Variants in CFAP251 observed in about 807,000 individuals in gnomAD.
CFAP251 encodes cilia- and flagella-associated protein 251.
CFAP251 carries 93 observed loss-of-function variants against 126.7 expected under a neutral mutation model. That is an observed-to-expected ratio of 0.73 (90% confidence interval 0.62 to 0.87). The LOEUF is 0.87. Ranked by LOEUF, CFAP251 falls within the 40% of genes least tolerant of loss-of-function variation. The pLI is 0.00. For missense variants in CFAP251, 1,287 were observed against 1,389.2 expected, an observed-to-expected ratio of 0.93 and a Z score of 1.17; for synonymous variants, 503 against 506.9, an observed-to-expected ratio of 0.99 and a Z score of 0.10.
intron 19 of CFAP251, 151 bp downstream of exon 19, chr12:121,975,836 C>A: frequency 1.3e-6 from 1 of 771,292 alleles, no homozygotes; most frequent in Non-Finnish European, 2.0e-6. Flanking sequence ...AGATGCACTC[C>A]TGAGTAACTG....
intron 3 of CFAP251, among the ~76,000 whole-genome samples, chr12:121,930,998 C>T (rs1029247409): frequency 3.3e-5 from 5 of 152,202 alleles, no homozygotes; most frequent in Admixed American, 2.6e-4. Flanking sequence ...ATCCACCCAC[C>T]TCAGCCTCCC....
At chr12:121,982,200 T>C (rs960805829) in intron 19 of CFAP251, among the ~76,000 whole-genome samples, 1 of 152,096 alleles carries the variant, frequency 6.6e-6, no homozygotes, top group African/African-American at 2.4e-5. Context: ...GTCTTCTCAC[T>C]TGTTCAGGAT....
chr12:121,999,321 T>C (rs1298780684), intron 19 of CFAP251: 3 of 154,458 alleles, frequency 1.9e-5, no homozygotes, highest in Non-Finnish European at 4.3e-5. Flanking sequence ...CTAAAATAAT[T>C]GGAAAGTATT....
chr12:121,961,704 C>T (rs1881945679), intron 14 of CFAP251, among the ~76,000 whole-genome samples: 1 of 152,254 alleles, frequency 6.6e-6, no homozygotes, highest in African/African-American at 2.4e-5. Flanking sequence ...ATGGGCAGAA[C>T]AGTACCCCTT....
chr12:121,971,762 G>A (rs1592995855), intron 17 of CFAP251: 1 of 604,722 alleles, frequency 1.7e-6, no homozygotes, highest in Middle Eastern at 2.9e-4. Context: ...TTGTGATATG[G>A]TTTGGCTCTG....
At chr12:121,957,836 T>C (rs1881783372) in intron 11 of CFAP251, among the ~76,000 whole-genome samples, 1 of 152,204 alleles carries the variant, frequency 6.6e-6, no homozygotes, top group African/African-American at 2.4e-5. Context: ...CAGGTTGGTC[T>C]CTTTTCTCTA....
At chr12:121,972,744 T>C (rs1172207690) in intron 17 of CFAP251, among the ~76,000 whole-genome samples, 3 of 152,156 alleles carry the variant, frequency 2.0e-5, no homozygotes, top group Non-Finnish European at 4.4e-5. Flanking sequence ...TGCCTCGGCC[T>C]CCCAAAGTGC....
At chr12:121,919,383 G>A (rs1203871267) in intron 1 of CFAP251, among the ~76,000 whole-genome samples, 6 of 152,028 alleles carry the variant, frequency 3.9e-5, no homozygotes, top group Admixed American at 3.9e-4. Context: ...TTGTTGTAAG[G>A]AATAAATGGA....
At chr12:121,975,746 G>A in intron 19 of CFAP251, 61 bp downstream of exon 19, 7 of 1,506,050 alleles carry the variant, frequency 4.6e-6, no homozygotes, top group Non-Finnish European at 6.2e-6. Flanking sequence ...ACAACCTCTG[G>A]GAACAATCAT....
chr12:121,956,894 T>C (rs768206473), intron 10 of CFAP251, among the ~76,000 whole-genome samples, 180 bp from the exon 11 acceptor site: 48 of 152,256 alleles, frequency 3.2e-4, no homozygotes, highest in Non-Finnish European at 5.6e-4. Context: ...ATTTCTTAAC[T>C]CTCTGAAAGT....
At position 121,974,126 on chromosome 12, in the gene CFAP251, A is replaced by G. The variant is rs1180960668; in HGVS notation, c.2772-1118A>G. On this transcript the variant is annotated intron_variant, in intron 17 of 21. Transcript: ENST00000288912. The surrounding 1 kb of genome is among the most constrained non-coding windows in gnomAD (Gnocchi z 4.6). ...GGGCAGTTTCCCCCATGCTGTTCCCATGGTAGTGAATAAGTCTCATGAGAT... is the reference window on the plus strand; with the variant it reads ...GGGCAGTTTCCCCCATGCTGTTCCCGTGGTAGTGAATAAGTCTCATGAGAT... Among the ~76,000 whole-genome samples, 1 of 152,110 alleles carries G rather than the reference A, an allele frequency of 6.6e-6. No individual in the cohort carries two copies. Among genetic ancestry groups the G allele is most frequent in the African/African-American group, 2.4e-5 (1 of 41,414 alleles).
intron 5 of CFAP251, among the ~76,000 whole-genome samples, chr12:121,938,115 C>A (rs1246184483): frequency 1.3e-5 from 2 of 151,988 alleles, no homozygotes; most frequent in Non-Finnish European, 2.9e-5. Context: ...AGTGATCCTC[C>A]CACCTCAGCT....
At position 121,958,857 on chromosome 12, in the gene CFAP251, C is replaced by T. The variant is rs142148736; in HGVS notation, c.1982-86C>T. On this transcript the variant is annotated intron_variant, in intron 12 of 21. Transcript: ENST00000288912. ...TTGTTGTGTTAGTTGCTGTCTTCTC[C>T]GCACCCAGAACAAAGCCTGGCACAG... is the stretch of plus-strand genomic sequence containing the variant. 1,176 of 1,459,184 alleles carry T rather than the reference C, an allele frequency of 8.1e-4. 7 individuals carry two copies. In the African/African-American group the frequency reaches 0.014, roughly 18 times the overall value. 90.4% of individuals were successfully genotyped at this position (1,459,184 alleles called of 1,614,324 possible). A position where few individuals can be genotyped will look rare whatever the true frequency, so the allele number is the denominator to read the frequency against.
chr12:121,954,651 A>C (rs1331793629), intron 10 of CFAP251, among the ~76,000 whole-genome samples: 3 of 148,420 alleles, frequency 2.0e-5, no homozygotes, highest in South Asian at 2.1e-4. Context: ...AAAAAAAAAA[A>C]AAAAAAAAAA....
rs1882823017 is a variant in CFAP251 at position 121,989,398 on chromosome 12, G to T, written c.3007-10318G>T. Among the ~76,000 whole-genome samples, 1 of 152,234 alleles carries T rather than the reference G, an allele frequency of 6.6e-6. No homozygotes were observed. Among genetic ancestry groups the T allele is most frequent in the African/African-American group, 2.4e-5 (1 of 41,464 alleles). On this transcript the variant is annotated intron_variant, in intron 19 of 21. Transcript: ENST00000288912. The surrounding 1 kb of genome is among the most constrained non-coding windows in gnomAD (Gnocchi z 4.2). The stretch of plus-strand genomic sequence containing the variant: ...GACTGCGTCCAGAGGGCAGAACTGT[G>T]CATGCATGCCCCACTCCTGGAAAAA...
intron 3 of CFAP251, among the ~76,000 whole-genome samples, chr12:121,931,273 CTTTAAATTTTTT>C (rs1302540339): frequency 6.6e-6 from 1 of 150,868 alleles, no homozygotes; most frequent in Non-Finnish European, 1.5e-5. Context: ...AAAATTCACC[CTTTAAATTTTTT>C]TTTAAATTGT....
intron 10 of CFAP251, among the ~76,000 whole-genome samples, chr12:121,954,844 T>A (rs1489022247): frequency 1.3e-5 from 2 of 151,982 alleles, no homozygotes; most frequent in Non-Finnish European, 2.9e-5. Flanking sequence ...TTTAAAAAAA[T>A]CATGAGTATG....
At chr12:121,962,686 T>C (rs1592988777) in intron 15 of CFAP251, among the ~76,000 whole-genome samples, 1 of 128,904 alleles carries the variant, frequency 7.8e-6, no homozygotes, top group South Asian at 2.7e-4. Context: ...GGTAATCAGG[T>C]CTGTGCAAAG....
intron 15 of CFAP251, among the ~76,000 whole-genome samples, chr12:121,966,658 T>C (rs1452647008): frequency 4.8e-5 from 7 of 147,186 alleles, no homozygotes; most frequent in Non-Finnish European, 1.0e-4. Flanking sequence ...TAATCTCAGC[T>C]CACTGCAGCC....
Sources: gnomAD v4.1 joint callset for allele counts (sites outside exome capture counted in the v4.1 genomes callset) on GRCh38, gnomAD v4.1.1 for gene constraint, Gnocchi (gnomAD v3.1) non-coding constraint, MANE v1.5 for transcripts, NCBI Gene and HGNC (gene_info 2026-07-23, HGNC 2026-07-21) for gene names.